The following NRF1 variants were observed in gnomAD, a reference collection of about 807,000 sequenced individuals.
NRF1 encodes alpha palindromic-binding protein.
A neutral mutation model predicts 58.5 loss-of-function variants in NRF1; 5 were observed. The ratio of observed to expected loss-of-function variants is 0.09; its 90% CI spans 0.04 to 0.18. NRF1 has a LOEUF of 0.18. Ranked by LOEUF, NRF1 falls within the 10% of genes least tolerant of loss-of-function variation. NRF1 has a pLI of 1.00. For synonymous variants in NRF1, 224 were observed against 246.7 expected (o/e 0.91, Z 0.86); for missense variants, 288 against 657.7 (o/e 0.44, Z 6.15).
chr7:129,613,364 G>T (rs1000114484), intron 1 of NRF1, among the ~76,000 whole-genome samples: 2 of 152,146 alleles, frequency 1.3e-5, no homozygotes, highest in Non-Finnish European at 2.9e-5. Flanking sequence ...TTCTTGACAG[G>T]TTACCCCGTA....
chr7:129,733,264 G>C (rs952238126), intron 10 of NRF1, among the ~76,000 whole-genome samples: 2 of 151,958 alleles, frequency 1.3e-5, no homozygotes, highest in African/African-American at 4.8e-5. Flanking sequence ...TCAGGAGATT[G>C]AGACCATCCT....
chr7:129,704,095 G>A (rs1469686159), intron 5 of NRF1, among the ~76,000 whole-genome samples: 1 of 151,094 alleles, frequency 6.6e-6, no homozygotes, highest in Non-Finnish European at 1.5e-5. Context: ...GTGCATGTGC[G>A]AGAGGGAGCT....
At chr7:129,645,734 A>G (rs1401685775) in intron 1 of NRF1, among the ~76,000 whole-genome samples, 2 of 152,226 alleles carry the variant, frequency 1.3e-5, no homozygotes, top group African/African-American at 2.4e-5. Context: ...AGACTTAAAG[A>G]GTAGGTCAGA....
At chr7:129,680,705 A>G (rs1000984630) in intron 4 of NRF1, among the ~76,000 whole-genome samples, 8 of 152,246 alleles carry the variant, frequency 5.3e-5, no homozygotes, top group African/African-American at 1.9e-4. Flanking sequence ...AAAAGATCAC[A>G]TGTTGTATGA....
intron 1 of NRF1, among the ~76,000 whole-genome samples, chr7:129,629,277 CT>C (rs35383948): frequency 3.3e-3 from 466 of 142,290 alleles, no homozygotes; most frequent in African/African-American, 6.1e-3. Flanking sequence ...AGCACACACG[CT>C]TTTTTTTTTT....
At chr7:129,679,271 C>T (rs1802251122) in intron 4 of NRF1, among the ~76,000 whole-genome samples, 1 of 152,204 alleles carries the variant, frequency 6.6e-6, no homozygotes, top group East Asian at 1.9e-4. Context: ...ATGTATGTGT[C>T]ATACTCACAG....
At position 129,756,454 on chromosome 7, in the gene NRF1, T is replaced by C. The variant is rs750008492; in HGVS notation, c.*1273T>C. 1.3e-5 allele frequency: 2 copies of C among 152,462 alleles called. No homozygotes were observed. Among genetic ancestry groups the C allele is most frequent in the Non-Finnish European group, 2.9e-5 (2 of 68,090 alleles). 9.4% of individuals were successfully genotyped at this position (152,462 alleles called of 1,614,324 possible). ...ACTCCTGGAGGCCCATGTTCCTTGA[T>C]GCAACCTCGTGGCCCAGGCCGGGAG... On this transcript the variant is annotated 3_prime_UTR_variant, in exon 11 of 11. Transcript: ENST00000393232.
intron 2 of NRF1, among the ~76,000 whole-genome samples, chr7:129,664,503 G>T (rs568007203): frequency 6.6e-6 from 1 of 152,146 alleles, no homozygotes; most frequent in Non-Finnish European, 1.5e-5. Flanking sequence ...GTGTATTTCC[G>T]GAGTGGTGAA....
At chr7:129,625,960 G>A (rs919527733) in intron 1 of NRF1, among the ~76,000 whole-genome samples, 30 of 152,106 alleles carry the variant, frequency 2.0e-4, no homozygotes, top group African/African-American at 7.0e-4. Context: ...GGGATTACAA[G>A]CATGAGCCAC....
chr7:129,614,591 A>G (rs566412004), intron 1 of NRF1, among the ~76,000 whole-genome samples: 2 of 151,940 alleles, frequency 1.3e-5, no homozygotes, highest in Non-Finnish European at 2.9e-5. Flanking sequence ...AGCTGAGACT[A>G]TAGGCAAGTG....
chr7:129,634,041 A>AAAAATAT (rs1163693215), intron 1 of NRF1, among the ~76,000 whole-genome samples: 1 of 113,810 alleles, frequency 8.8e-6, no homozygotes, highest in African/African-American at 3.8e-5. Flanking sequence ...AAAAAAAAAA[A>AAAAATAT]AGATATATAT....
intron 9 of NRF1, among the ~76,000 whole-genome samples, chr7:129,721,111 TAC>T (rs1363738632): frequency 6.6e-6 from 1 of 152,194 alleles, no homozygotes; most frequent in Non-Finnish European, 1.5e-5. Context: ...TTACTTGTGA[TAC>T]AGTGATTAAT....
At chr7:129,615,443 T>C (rs1800640665) in intron 1 of NRF1, among the ~76,000 whole-genome samples, 1 of 152,244 alleles carries the variant, frequency 6.6e-6, no homozygotes, top group Non-Finnish European at 1.5e-5. Flanking sequence ...CTTATTAATA[T>C]GTATATATAG....
intron 10 of NRF1, among the ~76,000 whole-genome samples, chr7:129,728,348 G>A (rs1381432589): frequency 6.6e-6 from 1 of 151,784 alleles, no homozygotes; most frequent in Non-Finnish European, 1.5e-5. Flanking sequence ...GCAAAACCCT[G>A]TCCATGGTGG....
intron 5 of NRF1, among the ~76,000 whole-genome samples, chr7:129,691,754 A>AT (rs772077786): frequency 6.6e-6 from 1 of 151,954 alleles, no homozygotes; most frequent in Non-Finnish European, 1.5e-5. Context: ...GACATAGTTG[A>AT]TTACTCCTTA....
At chr7:129,753,441 CT>C (rs1403540366) in intron 10 of NRF1, among the ~76,000 whole-genome samples, 1 of 152,232 alleles carries the variant, frequency 6.6e-6, no homozygotes, top group Non-Finnish European at 1.5e-5. Flanking sequence ...GCCCCTTCCA[CT>C]TCTCTGTTCA....
At chr7:129,682,662 TG>T (rs1184372849) in intron 4 of NRF1, among the ~76,000 whole-genome samples, 1 of 134,646 alleles carries the variant, frequency 7.4e-6, no homozygotes, top group Non-Finnish European at 1.6e-5. Flanking sequence ...AGGATCTGGG[TG>T]TGGTGGTGTG....
intron 10 of NRF1, among the ~76,000 whole-genome samples, chr7:129,728,721 A>G (rs1200034621): frequency 6.6e-6 from 1 of 152,222 alleles, no homozygotes; most frequent in African/African-American, 2.4e-5. Flanking sequence ...AGAGAAGAAT[A>G]ACATAGGAAA....
intron 1 of NRF1, among the ~76,000 whole-genome samples, chr7:129,642,776 T>TTTTTTTTTTTTTTTTTTTTG: frequency 7.3e-6 from 1 of 137,066 alleles, no homozygotes; most frequent in South Asian, 2.4e-4. Flanking sequence ...TTTTTTTTTT[T>TTTTTTTTTTTTTTTTTTTTG]AAATGAGATA....
Sources: allele counts gnomAD v4.1 joint callset (sites outside exome capture counted in the v4.1 genomes callset), GRCh38; gene constraint gnomAD v4.1.1; transcripts MANE v1.5; gene names NCBI Gene and HGNC (gene_info 2026-07-23, HGNC 2026-07-21).